The following SCMH1 variants were observed in gnomAD, a reference collection of about 807,000 sequenced individuals.
SCMH1 encodes the protein polycomb protein SCMH1.
SCMH1 carries 37 observed loss-of-function variants against 70.8 expected under a neutral mutation model. The ratio of observed to expected loss-of-function variants is 0.52; its 90% CI spans 0.40 to 0.69. SCMH1 has a LOEUF of 0.69. Ranked by LOEUF, SCMH1 falls within the 30% of genes least tolerant of loss-of-function variation. The probability of loss-of-function intolerance (pLI) is 0.00; values close to 1 mark genes in which losing one functional copy is unlikely to be tolerated. For synonymous variants in SCMH1, 292 were observed against 307.4 expected (o/e 0.95, Z 0.52); for missense variants, 607 against 827.3 (o/e 0.73, Z 3.27).
chr1:41,199,862 C>G (rs941087166), intron 1 of SCMH1, among the ~76,000 whole-genome samples: 7 of 152,076 alleles, frequency 4.6e-5, no homozygotes, highest in African/African-American at 1.7e-4. Context: ...ACGTGTACCC[C>G]CTGAATCTAA....
At chr1:41,150,752 C>T (rs559087623) in intron 5 of SCMH1, among the ~76,000 whole-genome samples, 45 of 151,268 alleles carry the variant, frequency 3.0e-4, no homozygotes, top group African/African-American at 9.9e-4. Flanking sequence ...CTGGCTAACA[C>T]GGTGAAACCC....
intron 1 of SCMH1, among the ~76,000 whole-genome samples, chr1:41,216,688 A>T (rs1198921986): frequency 6.6e-6 from 1 of 152,236 alleles, no homozygotes; most frequent in African/African-American, 2.4e-5. Context: ...AGACACAAAT[A>T]TGCTCTAAAT....
intron 8 of SCMH1, among the ~76,000 whole-genome samples, chr1:41,095,389 A>G (rs1429742411): frequency 6.6e-6 from 1 of 152,150 alleles, no homozygotes; most frequent in Non-Finnish European, 1.5e-5. Context: ...TTCCTAGGGA[A>G]TATTTGCAGT....
chr1:41,197,115 G>C (rs1653209084), intron 1 of SCMH1, among the ~76,000 whole-genome samples: 1 of 152,154 alleles, frequency 6.6e-6, no homozygotes, highest in African/African-American at 2.4e-5. Context: ...AAATGGTATA[G>C]CTGCTGTGGA....
chr1:41,220,588 C>T lies in SCMH1; in HGVS notation c.-118+21471G>A, dbSNP rs188805403. 2.0e-5 allele frequency among the ~76,000 whole-genome samples: 3 copies of T among 152,300 alleles called. No individual in the cohort carries two copies. In the East Asian group the frequency reaches 5.8e-4, roughly 29 times the overall value. Reference sequence around the variant, plus strand: ...ACTCACCTGGATAGGAAACGAGGGGCAGATTCAGAGCACACAATTTGTTTA... The same window carrying T: ...ACTCACCTGGATAGGAAACGAGGGGTAGATTCAGAGCACACAATTTGTTTA... On this transcript the variant is annotated intron_variant, in intron 1 of 14. Transcript: ENST00000337495.
intron 5 of SCMH1, among the ~76,000 whole-genome samples, chr1:41,151,290 C>T (rs1382256061): frequency 6.6e-6 from 1 of 152,202 alleles, no homozygotes; most frequent in Non-Finnish European, 1.5e-5. Context: ...CCATTTTCAA[C>T]AATGTCTATG....
chr1:41,131,726 C>T (rs1453291980), intron 6 of SCMH1, among the ~76,000 whole-genome samples: 1 of 152,130 alleles, frequency 6.6e-6, no homozygotes, highest in Admixed American at 6.6e-5. Context: ...CCAGCAGGCC[C>T]TGGTGTGTGA....
intron 13 of SCMH1, among the ~76,000 whole-genome samples, chr1:41,034,775 T>C (rs1645058987): frequency 2.0e-5 from 3 of 152,310 alleles, no homozygotes; most frequent in Admixed American, 2.0e-4. Context: ...TAGACCATCC[T>C]CCTATGAAAG....
intron 6 of SCMH1, among the ~76,000 whole-genome samples, chr1:41,126,473 G>A (rs1191257718): frequency 6.6e-6 from 1 of 152,028 alleles, no homozygotes; most frequent in African/African-American, 2.4e-5. Flanking sequence ...TCTTATCCCA[G>A]TACTTTCTAC....
intron 8 of SCMH1, among the ~76,000 whole-genome samples, chr1:41,085,481 C>T (rs922342180): frequency 1.3e-5 from 2 of 152,124 alleles, no homozygotes; most frequent in Non-Finnish European, 2.9e-5. Context: ...ACTAGCTCCA[C>T]TAATATTTAA....
At chr1:41,216,580 T>C (rs1302645116) in intron 1 of SCMH1, among the ~76,000 whole-genome samples, 1 of 152,226 alleles carries the variant, frequency 6.6e-6, no homozygotes, top group Non-Finnish European at 1.5e-5. Flanking sequence ...GGCTGAAGGC[T>C]TCCTGGCACC....
In SCMH1 at chr1:41,208,444, A is replaced by AAT. The variant is rs568185243; in HGVS notation, c.-117-22195_-117-22194insAT. Among the ~76,000 whole-genome samples the AAT allele has an allele frequency of 2.2e-3, 320 of 146,208 alleles. 2 individuals are homozygous for AAT. Among genetic ancestry groups the AAT allele is most frequent in the Non-Finnish European group, 2.7e-3 (176 of 64,332 alleles). ...AGTATAAGAAAAAAATTAAAAAAAA[A>AAT]AAATAAAAAATAAAAGTGACCACAT... is the stretch of plus-strand genomic sequence containing the variant. On this transcript the variant is annotated intron_variant, in intron 1 of 14. Transcript: ENST00000337495.
At chr1:41,184,902 C>G (rs908394985) in intron 2 of SCMH1, among the ~76,000 whole-genome samples, 4 of 152,192 alleles carry the variant, frequency 2.6e-5, no homozygotes, top group African/African-American at 7.2e-5. Context: ...TAGCAACTAT[C>G]TATATCTTAT....
chr1:41,137,704 A>C (rs565263901), intron 6 of SCMH1, among the ~76,000 whole-genome samples: 1 of 152,334 alleles, frequency 6.6e-6, no homozygotes, highest in African/African-American at 2.4e-5. Context: ...AAGTTCCACC[A>C]ACATAGCACC....
intron 5 of SCMH1, among the ~76,000 whole-genome samples, chr1:41,150,898 C>T (rs533469000): frequency 6.1e-4 from 80 of 131,766 alleles, no homozygotes; most frequent in African/African-American, 1.8e-3. Flanking sequence ...GATTGCGCCA[C>T]TGCACTCCAG....
At chr1:41,059,317 C>T (rs1315167231) in intron 10 of SCMH1, among the ~76,000 whole-genome samples, 2 of 152,206 alleles carry the variant, frequency 1.3e-5, no homozygotes. Flanking sequence ...GCCATGCCCC[C>T]TTATCCTGTA....
chr1:41,152,152 T>A (rs1219601645), intron 4 of SCMH1, among the ~76,000 whole-genome samples: 2 of 152,030 alleles, frequency 1.3e-5, no homozygotes, highest in African/African-American at 4.8e-5. Context: ...GAAAAGGCTG[T>A]CTAGAGACAA....
In SCMH1 at chr1:41,163,623, T is replaced by C. The variant is rs1646219942; in HGVS notation, c.14-2191A>G. Among the ~76,000 whole-genome samples, 3 of 152,164 alleles carry C rather than the reference T, an allele frequency of 2.0e-5. No individual in the cohort carries two copies. In the South Asian group the frequency reaches 6.2e-4, roughly 32 times the overall value. On this transcript the variant is annotated intron_variant, in intron 2 of 14. Coordinates refer to ENST00000337495, the Ensembl canonical transcript of SCMH1. The stretch of plus-strand genomic sequence containing the variant: ...GGACACAGGTACAGAGAAAATATCA[T>C]GTAATCAACAGAGGGAGAAGCCTCA...
intron 7 of SCMH1, among the ~76,000 whole-genome samples, chr1:41,116,686 C>A (rs556442599): frequency 1.3e-5 from 2 of 152,312 alleles, no homozygotes; most frequent in South Asian, 4.1e-4. Flanking sequence ...AACTTCTTAA[C>A]AAGCCCGACA....
Sources: allele counts gnomAD v4.1 joint callset (sites outside exome capture counted in the v4.1 genomes callset), GRCh38; gene constraint gnomAD v4.1.1; transcripts MANE v1.5; gene names NCBI Gene and HGNC (gene_info 2026-07-23, HGNC 2026-07-21).